The following RPH3AL variants were observed in gnomAD, a reference collection of about 807,000 sequenced individuals.
The protein encoded by RPH3AL is rabphilin 3A like (without C2 domains).
RPH3AL carries 38 observed loss-of-function variants against 43.1 expected under a neutral mutation model. The ratio of observed to expected loss-of-function variants is 0.88; its 90% confidence interval spans 0.68 to 1.15. RPH3AL has a LOEUF of 1.15. RPH3AL is among the 50% of genes most tolerant of loss of function. The pLI is 0.00. For missense variants in RPH3AL, 462 were observed against 423.2 expected (o/e 1.09, Z -0.81); for synonymous variants, 189 against 176.3 (o/e 1.07, Z -0.57).
chr17:313,920 C>G (rs2043728079), intron 5 of RPH3AL, among the ~76,000 whole-genome samples: 1 of 152,140 alleles, frequency 6.6e-6, no homozygotes. Flanking sequence ...ACAAGCCCCT[C>G]AGAAGCCTCA....
intron 6 of RPH3AL, among the ~76,000 whole-genome samples, chr17:267,055 C>T (rs1320226055): frequency 2.0e-5 from 3 of 152,226 alleles, no homozygotes; most frequent in Admixed American, 6.5e-5. Context: ...TCATCTCTCA[C>T]GTCACCTGTG....
intron 5 of RPH3AL, among the ~76,000 whole-genome samples, chr17:305,078 G>GA (rs1272903636): frequency 2.4e-5 from 1 of 41,928 alleles, no homozygotes; most frequent in East Asian, 1.8e-3. Flanking sequence ...CAGGGCGGGA[G>GA]GGGGACAGGG....
intron 5 of RPH3AL, among the ~76,000 whole-genome samples, chr17:304,299 T>A (rs1002759018): frequency 6.6e-6 from 1 of 151,950 alleles, no homozygotes; most frequent in Admixed American, 6.6e-5. Context: ...GTATTATTAT[T>A]CCCGACTTCC....
intron 7 of RPH3AL, among the ~76,000 whole-genome samples, chr17:220,351 T>C (rs1310615144): frequency 3.9e-5 from 5 of 126,946 alleles, no homozygotes; most frequent in South Asian, 5.2e-4. Context: ...ACTGAGACAA[T>C]AGACCCAAGC....
intron 1 of RPH3AL, among the ~76,000 whole-genome samples, chr17:337,177 A>G (rs973771606): frequency 7.9e-5 from 12 of 151,918 alleles, no homozygotes; most frequent in South Asian, 2.1e-4. Context: ...GTGCAGTGGC[A>G]CAGTCACAGT....
chr17:302,605 C>T (rs1048658136), intron 5 of RPH3AL, among the ~76,000 whole-genome samples: 6 of 152,178 alleles, frequency 3.9e-5, no homozygotes, highest in South Asian at 2.1e-4. Context: ...GGATGGGAGG[C>T]GCCCGCCGTC....
intron 7 of RPH3AL, among the ~76,000 whole-genome samples, chr17:235,282 A>G (rs1277018338): frequency 0.055 from 5,293 of 95,468 alleles, 25 homozygotes; most frequent in African/African-American, 0.091. Context: ...CCGAGGCTCT[A>G]CACTAACAAG....
chr17:310,273 G>A (rs2043609795), intron 5 of RPH3AL, among the ~76,000 whole-genome samples: 1 of 152,192 alleles, frequency 6.6e-6, no homozygotes, highest in Non-Finnish European at 1.5e-5. Context: ...AGGCAGTCGA[G>A]GCATGCAGGC....
chr17:271,137 C>A (rs1373365866), intron 6 of RPH3AL, among the ~76,000 whole-genome samples: 4 of 152,118 alleles, frequency 2.6e-5, no homozygotes, highest in Admixed American at 2.0e-4. Context: ...TGGTCTATAT[C>A]TCTGTTTTGG....
chr17:334,460 C>G (rs931533609), intron 1 of RPH3AL, among the ~76,000 whole-genome samples: 1 of 151,778 alleles, frequency 6.6e-6, no homozygotes, highest in Non-Finnish European at 1.5e-5. Context: ...CTTCTCCCCA[C>G]GCCTTCTCCG....
chr17:325,153 G>A (rs533563184), intron 3 of RPH3AL, among the ~76,000 whole-genome samples: 1 of 152,270 alleles, frequency 6.6e-6, no homozygotes, highest in Non-Finnish European at 1.5e-5. Flanking sequence ...GAGCCACCGC[G>A]ACCGGCCTAT....
At chr17:241,055 CAATAATAATAAT>C (rs57086885) in intron 7 of RPH3AL, among the ~76,000 whole-genome samples, 108 of 143,658 alleles carry the variant, frequency 7.5e-4, no homozygotes, top group South Asian at 5.5e-3. Flanking sequence ...GACTCCATCT[CAATAATAATAAT>C]AATAATAATA....
intron 7 of RPH3AL, among the ~76,000 whole-genome samples, chr17:242,572 C>T (rs201609020): frequency 0.097 from 4,213 of 43,500 alleles, 18 homozygotes; most frequent in East Asian, 0.16. Flanking sequence ...CCTCTATTGA[C>T]TACCTTCCTC....
intron 5 of RPH3AL, among the ~76,000 whole-genome samples, chr17:317,309 A>T (rs72806064): frequency 5.0e-4 from 72 of 144,424 alleles, no homozygotes; most frequent in South Asian, 8.8e-4. Flanking sequence ...ACCTCCATTG[A>T]CCTTTAGTCC....
Position 289,294 on chromosome 17 carries a change from A to AGGC in RPH3AL, c.352-7443_352-7441dup, listed in dbSNP as rs1170880042. Among the ~76,000 whole-genome samples the AGGC allele has an allele frequency of 3.9e-5, 6 of 152,136 alleles. No individual in the cohort carries two copies. The East Asian group carries it at 1.2e-3, about 29-fold the overall frequency. Reference sequence around the variant, plus strand: ...TTTATAGCCATGCCTGTCTCAGTGAAGGCAGCCAGCATCCATCAGTCACAC... The same window carrying AGGC: ...TTTATAGCCATGCCTGTCTCAGTGAAGGCGGCAGCCAGCATCCATCAGTCACAC... On this transcript the variant is annotated intron_variant, in intron 5 of 9. Coordinates refer to ENST00000331302, the MANE Select transcript of RPH3AL (RefSeq NM_006987.4). The surrounding 1 kb of genome is among the most constrained non-coding windows in gnomAD (Gnocchi z 5.2).
intron 5 of RPH3AL, among the ~76,000 whole-genome samples, chr17:315,176 TTCACC>T (rs1567509376): frequency 4.5e-4 from 5 of 11,080 alleles, no homozygotes; most frequent in Non-Finnish European, 7.2e-4. Flanking sequence ...CCCACCTCCA[TTCACC>T]TGTAGTCCCT....
intron 8 of RPH3AL, among the ~76,000 whole-genome samples, chr17:219,407 C>T (rs1292548482): frequency 6.6e-6 from 1 of 151,338 alleles, no homozygotes; most frequent in African/African-American, 2.4e-5. Context: ...CCATGTTGGG[C>T]AAGATGGTCT....
At chr17:266,884 G>A (rs868915264) in intron 6 of RPH3AL, among the ~76,000 whole-genome samples, 9 of 152,256 alleles carry the variant, frequency 5.9e-5, no homozygotes, top group African/African-American at 2.2e-4. Flanking sequence ...CAGTCGCAGA[G>A]GGAGGTGTTG....
chr17:325,695 C>T (rs1380324661), intron 3 of RPH3AL, among the ~76,000 whole-genome samples: 2 of 152,212 alleles, frequency 1.3e-5, no homozygotes, highest in African/African-American at 4.8e-5. Flanking sequence ...TCACCTCTGC[C>T]CACCTGTGCT....
Sources: gnomAD v4.1 joint callset for allele counts (sites outside exome capture counted in the v4.1 genomes callset) on GRCh38, gnomAD v4.1.1 for gene constraint, Gnocchi (gnomAD v3.1) non-coding constraint, MANE v1.5 for transcripts, NCBI Gene and HGNC (gene_info 2026-07-23, HGNC 2026-07-21) for gene names.